MYO18A: variants seen among roughly 807,000 people sequenced by gnomAD.
MYO18A encodes the protein myosin XVIIIA.
MYO18A carries 78 observed loss-of-function variants against 235.8 expected under a neutral mutation model. The ratio of observed to expected loss-of-function variants is 0.33; its 90% CI spans 0.28 to 0.40. The LOEUF is 0.40. Among genes scored for constraint, MYO18A ranks in the 10% least tolerant of loss-of-function variants. MYO18A has a pLI of 1.00. For missense variants in MYO18A, 2,215 were observed against 2,699.3 expected (o/e 0.82, Z 3.98); for synonymous variants, 977 against 1,077.8 (o/e 0.91, Z 1.83).
At position 29,094,692 on chromosome 17, in the gene MYO18A, T is replaced by G; in HGVS notation, c.4668A>C (p.Glu1556Asp). 1 of 1,614,068 alleles carries G rather than the reference T, an allele frequency of 6.2e-7. No homozygotes were observed. Residue 1556 changes from glutamate (E) to aspartate (D), a missense_variant, in exon 30 of 42, where the codon GAA (glutamate) becomes GAC (aspartate). Transcript: ENST00000527372. ...DLEAKVKDQE[E>D]ELDEQAGTIQ... is the part of the protein sequence containing the mutation. ...TGGTCCCTGCCTGCTCATCCAGCTC[T>G]TCTTCCTGATCCTTGACTTTGGCCT...
rs776362117 is a variant in MYO18A, at chr17:29,114,901, A to G, written c.2511+6T>C. ...AGGCTAGATGAGGCCCAGGCCCCAGAGCTACCTCCTTGTATCTTTCCAACT... is the reference window on the plus strand; with the variant it reads ...AGGCTAGATGAGGCCCAGGCCCCAGGGCTACCTCCTTGTATCTTTCCAACT... On this transcript the variant is annotated splice_donor_region_variant and intron_variant, in intron 14 of 41. Coordinates refer to ENST00000527372, the MANE Select transcript of MYO18A (RefSeq NM_078471.4). 21 of 1,611,116 alleles carry G rather than the reference A, an allele frequency of 1.3e-5. No individual in the cohort carries two copies. The highest frequency in any genetic ancestry group is 5.0e-5 in the Admixed American group (3 of 59,860).
intron 2 of MYO18A, among the ~76,000 whole-genome samples, chr17:29,149,469 T>C (rs2067923549): frequency 6.6e-6 from 1 of 151,980 alleles, no homozygotes; most frequent in African/African-American, 2.4e-5. Flanking sequence ...GGCTTGGGGC[T>C]CTGACACTCC....
chr17:29,079,221 C>G (rs1299404671), intron 41 of MYO18A, among the ~76,000 whole-genome samples: 1 of 152,204 alleles, frequency 6.6e-6, no homozygotes, highest in African/African-American at 2.4e-5. Flanking sequence ...TGGGCACACA[C>G]AGTAAACATG....
chr17:29,110,276 G>T (rs999265154), intron 18 of MYO18A, among the ~76,000 whole-genome samples, 160 bp downstream of exon 18: 3 of 152,200 alleles, frequency 2.0e-5, no homozygotes, highest in African/African-American at 7.2e-5. Context: ...ACTCACAGGT[G>T]GCAGCACTGA....
intron 20 of MYO18A, among the ~76,000 whole-genome samples, chr17:29,105,906 G>A (rs1480627742): frequency 3.9e-5 from 6 of 152,204 alleles, no homozygotes; most frequent in Admixed American, 2.6e-4. Context: ...CAGACACCCA[G>A]AGGCTGGCGC....
chr17:29,104,351 G>C (rs1263198301), intron 20 of MYO18A, among the ~76,000 whole-genome samples: 1 of 152,220 alleles, frequency 6.6e-6, no homozygotes, highest in Non-Finnish European at 1.5e-5. Flanking sequence ...ACAGAGCCTT[G>C]CTGGATACGG....
At chr17:29,097,448 G>A in intron 26 of MYO18A, 98 bp from the exon 27 acceptor site, 1 of 1,500,028 alleles carries the variant, frequency 6.7e-7, no homozygotes, top group Non-Finnish European at 9.0e-7. Flanking sequence ...AGCAGGTGGA[G>A]TCAGCCAGGG....
intron 1 of MYO18A, 66 bp from the exon 2 acceptor site, chr17:29,167,087 C>A (rs765746061): frequency 5.1e-6 from 6 of 1,176,402 alleles, no homozygotes; most frequent in Non-Finnish European, 6.9e-6. Flanking sequence ...CCAGTCCAGA[C>A]ATAACCAAAT....
In MYO18A at chr17:29,140,805, C is replaced by A. The variant is rs1366667292; in HGVS notation, c.1000-18552G>T. ...ACTCATGTGCATGTACACGTATACA[C>A]ACACACACACACACACCAGCATGCA... On this transcript the variant is annotated intron_variant, in intron 2 of 41. Coordinates refer to ENST00000527372, the MANE Select transcript of MYO18A (RefSeq NM_078471.4). This position sits in a 1 kb window ranked among gnomAD's most constrained non-coding sequence, Gnocchi z 4.2. 1.3e-5 allele frequency among the ~76,000 whole-genome samples: 2 copies of A among 152,060 alleles called. No individual in the cohort carries two copies. The highest frequency in any genetic ancestry group is 2.9e-5 in the Non-Finnish European group (2 of 68,014).
chr17:29,172,877 A>G (rs73988924), intron 1 of MYO18A, among the ~76,000 whole-genome samples: 3,066 of 152,316 alleles, frequency 0.02, 92 homozygotes, highest in African/African-American at 0.07. Context: ...TTGTAGGGGC[A>G]GAAATACAAA....
chr17:29,119,869 CTTGT>C (rs991075429), intron 7 of MYO18A, among the ~76,000 whole-genome samples: 1 of 151,094 alleles, frequency 6.6e-6, no homozygotes, highest in African/African-American at 2.4e-5. Flanking sequence ...CAACCTGCAT[CTTGT>C]TTTTTAAGTC....
intron 2 of MYO18A, chr17:29,128,678 T>C: frequency 1.6e-6 from 1 of 635,996 alleles, no homozygotes; most frequent in Non-Finnish European, 2.2e-6. Flanking sequence ...AACACATGGC[T>C]CCACGAGGCT....
Position 29,167,139 on chromosome 17 carries a change from A to T in MYO18A, c.-81-118T>A, listed in dbSNP as rs367780740. On this transcript the variant is annotated intron_variant, in intron 1 of 41. Coordinates refer to ENST00000527372, the MANE Select transcript of MYO18A (RefSeq NM_078471.4). ...ACTGGGTGCTAGCTATGTGCCAGGC[A>T]CTCTGCCTTACCCAATATTGTCTCC... The T allele has an allele frequency of 1.1e-5, 7 of 646,554 alleles. No homozygotes were observed. In the South Asian group the frequency reaches 1.6e-4, roughly 14 times the overall value. The allele number at this position is 646,554 out of a possible 1,614,324, so 40.1% of individuals were successfully genotyped here.
chr17:29,082,928 G>C (rs1341760719), intron 40 of MYO18A, among the ~76,000 whole-genome samples: 4 of 152,146 alleles, frequency 2.6e-5, no homozygotes, highest in African/African-American at 9.7e-5. Flanking sequence ...AGAAGAGAAG[G>C]GCTTCGTAGG....
intron 40 of MYO18A, among the ~76,000 whole-genome samples, chr17:29,084,272 GC>G (rs1315122800): frequency 6.6e-6 from 1 of 152,188 alleles, no homozygotes; most frequent in Non-Finnish European, 1.5e-5. Flanking sequence ...CATTTTATCA[GC>G]CCTTGAAGCT....
In MYO18A at chr17:29,114,941, C is replaced by T. The variant is rs567983974; in HGVS notation, c.2477G>A (p.Arg826His). Residue 826 changes from arginine to histidine, a missense_variant, in exon 14 of 42, where the codon CGC becomes CAC. Physicochemically the swap from Arg to His is conservative, Grantham distance 29 (BLOSUM62 0). Transcript: ENST00000527372. The part of the protein sequence containing the change: ...QDRLQRLFHE[R>H]TFVQELERYK... ...TCTTTCCAACTCCTGCACGAAGGTG[C>T]GCTCGTGGAAGAGCCTCTGCAGCCG... The T allele has an allele frequency of 5.0e-6, 8 of 1,613,912 alleles. No individual in the cohort carries two copies. Among genetic ancestry groups the T allele is most frequent in the African/African-American group, 4.0e-5 (3 of 75,072 alleles).
At chr17:29,115,590 C>T (rs888851929) in intron 12 of MYO18A, 74 bp downstream of exon 12, 4 of 1,501,906 alleles carry the variant, frequency 2.7e-6, no homozygotes, top group Non-Finnish European at 3.6e-6. Flanking sequence ...GCAGTCCCCT[C>T]CCGCCCCAGG....
Position 29,109,560 on chromosome 17 carries a change from C to T in MYO18A, c.3331+298G>A, listed in dbSNP as rs1477926793. Among the ~76,000 whole-genome samples the T allele has an allele frequency of 5.3e-5, 8 of 152,090 alleles. No individual in the cohort carries two copies. The highest frequency in any genetic ancestry group is 1.0e-4 in the Non-Finnish European group (7 of 68,008). Reference sequence around the variant, plus strand: ...AAAGCTGAACTGTCCAAACTAGGGACGTGGGAAGAAAGGGAGCTGTGGACA... The same window carrying T: ...AAAGCTGAACTGTCCAAACTAGGGATGTGGGAAGAAAGGGAGCTGTGGACA... On this transcript the variant is annotated intron_variant, in intron 19 of 41. Coordinates refer to ENST00000527372, the MANE Select transcript of MYO18A (RefSeq NM_078471.4). This position sits in a 1 kb window ranked among gnomAD's most constrained non-coding sequence, Gnocchi z 4.1.
Position 29,115,397 on chromosome 17 carries a change from C to G in MYO18A, c.2272G>C (p.Gly758Arg). The change falls in exon 13 of 42, where the codon GGC (glycine) becomes CGC (arginine). Residue 758 changes from glycine to arginine, a missense_variant. Coordinates refer to ENST00000527372, the MANE Select transcript of MYO18A (RefSeq NM_078471.4). The part of the protein sequence containing the change: ...ALECLEGMAA[G>R]LYSELFTLLV... ...AGGGTGAAGAGCTCGCTGTAGAGGC[C>G]GGCCGCCATGCCCTCAAGGCACTCC... 6.2e-7 allele frequency: 1 copy of G among 1,613,884 alleles called. No individual in the cohort carries two copies. The highest frequency in any genetic ancestry group is 8.5e-7 in the Non-Finnish European group (1 of 1,179,858).
Sources: allele counts gnomAD v4.1 joint callset (sites outside exome capture counted in the v4.1 genomes callset), GRCh38; gene constraint gnomAD v4.1.1; non-coding constraint Gnocchi (gnomAD v3.1); transcripts MANE v1.5; gene names NCBI Gene and HGNC (gene_info 2026-07-23, HGNC 2026-07-21).